Variants in OXSR1 observed in about 807,000 individuals in gnomAD.
The protein encoded by OXSR1 is serine/threonine-protein kinase OSR1.
A neutral mutation model predicts 79.8 loss-of-function variants in OXSR1; 24 were observed. The ratio of observed to expected loss-of-function variants is 0.30; its 90% CI spans 0.22 to 0.42. The LOEUF (loss-of-function observed/expected upper bound fraction) is 0.42, where lower values mean the gene tolerates loss of function less well. Ranked by LOEUF, OXSR1 falls within the 10% of genes least tolerant of loss-of-function variation. The pLI is 1.00. For missense variants in OXSR1, 430 were observed against 618.4 expected (o/e 0.70, Z 3.23); for synonymous variants, 226 against 209.2 (o/e 1.08, Z -0.69).
intron 11 of OXSR1, among the ~76,000 whole-genome samples, chr3:38,238,716 T>G (rs1217395649): frequency 6.6e-6 from 1 of 152,098 alleles, no homozygotes; most frequent in Non-Finnish European, 1.5e-5. Context: ...ATGTCTTTTT[T>G]CCCTGGCTGC....
chr3:38,185,750 C>T (rs139947929), intron 2 of OXSR1, among the ~76,000 whole-genome samples: 19 of 151,922 alleles, frequency 1.3e-4, no homozygotes, highest in East Asian at 3.9e-4. Context: ...CGAGGTTAGC[C>T]GGGGCAACGT....
In OXSR1 at chr3:38,165,643, G is replaced by A. The variant is rs770039743; in HGVS notation, c.-234G>A. 1.9e-6 allele frequency: 1 copy of A among 518,234 alleles called. No homozygotes were observed. Among genetic ancestry groups the A allele is most frequent in the Non-Finnish European group, 3.4e-6 (1 of 294,822 alleles). 32.1% of individuals were successfully genotyped at this position (518,234 alleles called of 1,614,324 possible). ...CCGAGGACAGGACGTGGGCTGGGCC[G>A]GGCAGTGCCGGACTCGGAGGAGCAG... is the stretch of plus-strand genomic sequence containing the variant. On this transcript the variant is annotated 5_prime_UTR_variant, in exon 1 of 18. Coordinates refer to ENST00000311806, the MANE Select transcript of OXSR1 (RefSeq NM_005109.3).
chr3:38,185,231 C>T (rs1701862280), intron 2 of OXSR1, among the ~76,000 whole-genome samples: 1 of 152,076 alleles, frequency 6.6e-6, no homozygotes, highest in Non-Finnish European at 1.5e-5. Context: ...GACACAAAGA[C>T]AACCATAGGC....
intron 3 of OXSR1, among the ~76,000 whole-genome samples, chr3:38,196,008 A>T (rs1307871798): frequency 6.6e-6 from 1 of 152,194 alleles, no homozygotes; most frequent in Non-Finnish European, 1.5e-5. Context: ...TGCCTTTTAA[A>T]ATCCAGCTTC....
intron 4 of OXSR1, among the ~76,000 whole-genome samples, chr3:38,211,912 C>A (rs189691601): frequency 1.3e-5 from 2 of 152,264 alleles, no homozygotes; most frequent in African/African-American, 2.4e-5. Flanking sequence ...GGGTCAAGGG[C>A]CTGTATAGTA....
chr3:38,201,240 G>T (rs1399415503), intron 4 of OXSR1, among the ~76,000 whole-genome samples: 2 of 151,870 alleles, frequency 1.3e-5, no homozygotes, highest in East Asian at 3.9e-4. Flanking sequence ...GTATCTTCCT[G>T]CCTTTTTTTA....
intron 6 of OXSR1, among the ~76,000 whole-genome samples, chr3:38,223,361 A>G (rs560515264): frequency 7.9e-5 from 12 of 152,040 alleles, no homozygotes; most frequent in Middle Eastern, 3.4e-3. Context: ...CTTGGCCTCA[A>G]GCCCACCTCA....
At chr3:38,181,229 G>A (rs756399220) in intron 1 of OXSR1, among the ~76,000 whole-genome samples, 2 of 151,098 alleles carry the variant, frequency 1.3e-5, no homozygotes, top group Non-Finnish European at 2.9e-5. Context: ...CTCTGCTATT[G>A]AGTCTGTCCA....
intron 2 of OXSR1, among the ~76,000 whole-genome samples, chr3:38,184,608 T>A (rs1330883004): frequency 6.6e-6 from 1 of 152,158 alleles, no homozygotes; most frequent in East Asian, 1.9e-4. Flanking sequence ...TGAATGAAAG[T>A]CTTATTATTT....
intron 11 of OXSR1, among the ~76,000 whole-genome samples, chr3:38,239,536 G>A (rs913813420): frequency 3.3e-5 from 5 of 152,136 alleles, no homozygotes; most frequent in Non-Finnish European, 7.4e-5. Flanking sequence ...CCAATCACCT[G>A]TGAGTTATTA....
intron 2 of OXSR1, among the ~76,000 whole-genome samples, chr3:38,184,637 T>C (rs887473561): frequency 6.6e-6 from 1 of 152,178 alleles, no homozygotes; most frequent in Non-Finnish European, 1.5e-5. Context: ...ATGATTAAGC[T>C]GAGGCTCAAA....
intron 15 of OXSR1, 109 bp downstream of exon 15, chr3:38,250,127 A>C: frequency 1.3e-6 from 1 of 792,630 alleles, no homozygotes; most frequent in Non-Finnish European, 2.1e-6. Flanking sequence ...AGGATAATAA[A>C]AATTTTCCTG....
chr3:38,233,766 G>C (rs1488551353), intron 10 of OXSR1, among the ~76,000 whole-genome samples: 1 of 152,016 alleles, frequency 6.6e-6, no homozygotes, highest in Admixed American at 6.6e-5. Flanking sequence ...AAAAAAATTA[G>C]CTGGGCATGG....
chr3:38,245,977 A>T, intron 12 of OXSR1, 98 bp from the exon 13 acceptor site: 1 of 1,077,146 alleles, frequency 9.3e-7, no homozygotes, highest in Non-Finnish European at 1.4e-6. Flanking sequence ...CCCAAAAACT[A>T]CTTTGAAAAT....
At chr3:38,169,315 GT>G (rs1247605767) in intron 1 of OXSR1, among the ~76,000 whole-genome samples, 1 of 149,824 alleles carries the variant, frequency 6.7e-6, no homozygotes, top group Non-Finnish European at 1.5e-5. Flanking sequence ...TTGTTTGTTT[GT>G]TTGTTTTGAG....
At chr3:38,244,102 T>TTTAACCTATGTTCTAATTTAACATATG (rs1703089618) in intron 12 of OXSR1, among the ~76,000 whole-genome samples, 1 of 152,218 alleles carries the variant, frequency 6.6e-6, no homozygotes, top group South Asian at 2.1e-4. Flanking sequence ...TTACTTCTAA[T>TTTAACCTATGTTCTAATTTAACATATG]TTAACCTATG....
At chr3:38,169,204 C>A (rs183736122) in intron 1 of OXSR1, among the ~76,000 whole-genome samples, 2 of 152,028 alleles carry the variant, frequency 1.3e-5, no homozygotes, top group East Asian at 3.9e-4. Context: ...GATGAACATC[C>A]TTTCATGTCC....
At position 38,254,438 on chromosome 3, in the gene OXSR1, A is replaced by G. The variant is rs1703319683; in HGVS notation, c.*1547A>G. The G allele has an allele frequency of 1.0e-5, 4 of 389,258 alleles. No homozygotes were observed. Among genetic ancestry groups the G allele is most frequent in the Non-Finnish European group, 1.8e-5 (4 of 220,640 alleles). The allele number at this position is 389,258 out of a possible 1,614,324, so 24.1% of individuals were successfully genotyped here. On this transcript the variant is annotated 3_prime_UTR_variant, in exon 18 of 18. Coordinates refer to ENST00000311806, the MANE Select transcript of OXSR1 (RefSeq NM_005109.3). ...GATGGATGTTGGGGAGGAAGAGAGG[A>G]GATGGATTTCAGTTGGGAGTTAGGA...
chr3:38,223,131 G>C (rs1344378584), intron 6 of OXSR1, among the ~76,000 whole-genome samples: 5 of 152,008 alleles, frequency 3.3e-5, no homozygotes, highest in Non-Finnish European at 7.4e-5. Flanking sequence ...ATTAGAGGTA[G>C]CTTTTTTGTT....
Sources: allele counts gnomAD v4.1 joint callset (sites outside exome capture counted in the v4.1 genomes callset), GRCh38; gene constraint gnomAD v4.1.1; transcripts MANE v1.5; gene names NCBI Gene and HGNC (gene_info 2026-07-23, HGNC 2026-07-21).